Variants in GPRIN3 observed in about 807,000 individuals in gnomAD.
GPRIN3 encodes the protein G protein-regulated inducer of neurite outgrowth 3.
Under a neutral mutation model 13.7 loss-of-function variants are expected in GPRIN3, and 12 were observed. That is an observed-to-expected ratio of 0.87 (90% CI 0.56 to 1.42). The LOEUF is 1.42. Ranked by LOEUF, GPRIN3 falls within the 40% of genes most tolerant of loss-of-function variation. The pLI is 0.00. For missense variants in GPRIN3, 1,009 were observed against 958.7 expected (o/e 1.05, Z -0.69); for synonymous variants, 377 against 372.7 (o/e 1.01, Z -0.13).
rs545947950 is a variant in GPRIN3, at chr4:89,275,917, T to C, written c.-123-25684A>G. ...CTCACCTTAATGGGGGTCAGTTTTA[T>C]GTGGAGCTCCCAGTTCCATAATGAA... On this transcript the variant is annotated intron_variant, in intron 1 of 1. Transcript: ENST00000609438. Among the ~76,000 whole-genome samples, 3 of 152,342 alleles carry C rather than the reference T, an allele frequency of 2.0e-5. No individual in the cohort carries two copies. The East Asian group carries it at 5.8e-4, about 29-fold the overall frequency.
intron 1 of GPRIN3, among the ~76,000 whole-genome samples, chr4:89,286,076 C>CGTGT (rs1337618773): frequency 9.1e-6 from 1 of 109,322 alleles, no homozygotes; most frequent in Non-Finnish European, 1.9e-5. Context: ...TACATGTGTA[C>CGTGT]GTGTATGTGT....
chr4:89,284,300 A>C (rs1264006137), intron 1 of GPRIN3, among the ~76,000 whole-genome samples: 1 of 152,220 alleles, frequency 6.6e-6, no homozygotes, highest in Admixed American at 6.5e-5. Flanking sequence ...CCAGCCATTC[A>C]GAATTACTGT....
At chr4:89,275,300 A>G (rs1462580990) in intron 1 of GPRIN3, among the ~76,000 whole-genome samples, 1 of 152,176 alleles carries the variant, frequency 6.6e-6, no homozygotes, top group African/African-American at 2.4e-5. Flanking sequence ...TGATTTGGGT[A>G]ATAGAACAAA....
intron 1 of GPRIN3, among the ~76,000 whole-genome samples, chr4:89,287,878 G>A (rs1372860266): frequency 6.6e-6 from 1 of 152,208 alleles, no homozygotes; most frequent in Non-Finnish European, 1.5e-5. Flanking sequence ...ATAGGCTGAT[G>A]CCATGATAAT....
chr4:89,302,353 TC>T (rs1724922382), intron 1 of GPRIN3, among the ~76,000 whole-genome samples: 1 of 152,184 alleles, frequency 6.6e-6, no homozygotes, highest in Non-Finnish European at 1.5e-5. Flanking sequence ...GTTATTAACT[TC>T]CTTGGGACTC....
intron 1 of GPRIN3, among the ~76,000 whole-genome samples, chr4:89,268,868 G>A (rs1723852542): frequency 6.6e-6 from 1 of 152,144 alleles, no homozygotes; most frequent in Non-Finnish European, 1.5e-5. Context: ...TTTTCCCCCA[G>A]AAAGCCAGTT....
Position 89,237,560 on chromosome 4 carries a change from AC to A in GPRIN3, c.*10219del, listed in dbSNP as rs1722817664. On this transcript the variant is annotated 3_prime_UTR_variant, in exon 2 of 2. Transcript: ENST00000609438. ...CTGTGTGAGGACACAGCAAACAGGC[AC>A]CACACGTGAGCCGGCAAGTAGGCCC... 2 of 152,128 alleles carry A rather than the reference AC, an allele frequency of 1.3e-5. No individual in the cohort carries two copies. The highest frequency in any genetic ancestry group is 4.8e-5 in the African/African-American group (2 of 41,424). 9.4% of individuals were successfully genotyped at this position (152,128 alleles called of 1,614,324 possible). A position where few individuals can be genotyped will look rare whatever the true frequency, so the allele number is the denominator to read the frequency against.
At chr4:89,284,333 C>T (rs1035498281) in intron 1 of GPRIN3, among the ~76,000 whole-genome samples, 7 of 152,188 alleles carry the variant, frequency 4.6e-5, no homozygotes, top group African/African-American at 1.4e-4. Flanking sequence ...GGAAACATTT[C>T]ACTGTGTGAG....
intron 1 of GPRIN3, among the ~76,000 whole-genome samples, chr4:89,270,585 A>ATGTATATAATT (rs1319177444): frequency 1.2e-5 from 1 of 85,494 alleles, no homozygotes; most frequent in African/African-American, 6.8e-5. Flanking sequence ...ATATATATAT[A>ATGTATATAATT]TATATATATA....
intron 1 of GPRIN3, among the ~76,000 whole-genome samples, chr4:89,306,906 T>C (rs1028879321): frequency 6.6e-6 from 1 of 152,166 alleles, no homozygotes; most frequent in African/African-American, 2.4e-5. Context: ...GCGTCTGAAA[T>C]GATGCCTACA....
At chr4:89,290,197 G>C (rs1050633927) in intron 1 of GPRIN3, among the ~76,000 whole-genome samples, 29 of 151,798 alleles carry the variant, frequency 1.9e-4, no homozygotes, top group Non-Finnish European at 1.5e-5. Flanking sequence ...TCAAACTCCT[G>C]AGGCTCAACC....
chr4:89,299,248 G>C (rs1054297414), intron 1 of GPRIN3, among the ~76,000 whole-genome samples: 1 of 152,016 alleles, frequency 6.6e-6, no homozygotes, highest in Non-Finnish European at 1.5e-5. Context: ...TGTGTCCTCT[G>C]TTAGTTTCGA....
rs1723158484 is a variant in GPRIN3 at position 89,248,022 on chromosome 4, C to CT, written c.2088_2089insA (p.Gly697ArgfsTer25). 1 of 1,613,998 alleles carries CT rather than the reference C, an allele frequency of 6.2e-7. No individual in the cohort carries two copies. Among genetic ancestry groups the CT allele is most frequent in the Non-Finnish European group, 8.5e-7 (1 of 1,180,024 alleles). The stretch of plus-strand genomic sequence containing the variant: ...AGGGACTCTGCGTCCAAGGATGCAC[C>CT]ATACACTTCCCAGGTCATTCCCTGC... On this transcript the variant is annotated frameshift_variant, in exon 2 of 2. Transcript: ENST00000609438. LOFTEE classifies it high-confidence loss of function.
chr4:89,258,725 G>A (rs900015714), intron 1 of GPRIN3, among the ~76,000 whole-genome samples: 6 of 152,196 alleles, frequency 3.9e-5, no homozygotes, highest in Non-Finnish European at 8.8e-5. Context: ...GGGCGTGAGA[G>A]TCCTTCCTGT....
chr4:89,255,156 T>C (rs1456951793), intron 1 of GPRIN3, among the ~76,000 whole-genome samples: 8 of 152,070 alleles, frequency 5.3e-5, no homozygotes, highest in Admixed American at 4.6e-4. Context: ...TTTAAGAACA[T>C]GGACTCTGGG....
chr4:89,257,238 G>A (rs953114106), intron 1 of GPRIN3, among the ~76,000 whole-genome samples: 2 of 152,156 alleles, frequency 1.3e-5, no homozygotes, highest in Non-Finnish European at 1.5e-5. Flanking sequence ...GAAACAAGCT[G>A]CATCCCTTCT....
intron 1 of GPRIN3, among the ~76,000 whole-genome samples, chr4:89,293,595 A>G (rs1259123488): frequency 6.6e-6 from 1 of 152,230 alleles, no homozygotes; most frequent in East Asian, 1.9e-4. Flanking sequence ...TGTTCAAGTC[A>G]GGGTCATTGA....
chr4:89,279,052 A>T (rs1724171219), intron 1 of GPRIN3, among the ~76,000 whole-genome samples: 1 of 152,196 alleles, frequency 6.6e-6, no homozygotes, highest in Admixed American at 6.5e-5. Flanking sequence ...GGGCAGCTTG[A>T]CTGGCAGTTT....
chr4:89,249,090 T>A lies in GPRIN3; in HGVS notation c.1021A>T (p.Thr341Ser). 1.2e-6 allele frequency: 2 copies of A among 1,614,158 alleles called. No individual in the cohort carries two copies. Among genetic ancestry groups the A allele is most frequent in the South Asian group, 2.2e-5 (2 of 91,080 alleles). ...GCACGGCTTTCCTTCAGAAATGCAG[T>A]GAGGATACTGGGGCTGGTGGAGACG... ...RSVSTSPSIL[T>S]AFLKESRAPE... Residue 341 changes from threonine (T) to serine (S), a missense_variant, in exon 2 of 2, where the codon ACT (threonine) becomes TCT (serine). By Grantham distance (58) the Thr-to-Ser change is moderately conservative (BLOSUM62 1). Coordinates refer to ENST00000609438, the MANE Select transcript of GPRIN3 (RefSeq NM_198281.3).
Sources: gnomAD v4.1 joint callset for allele counts (sites outside exome capture counted in the v4.1 genomes callset) on GRCh38, gnomAD v4.1.1 for gene constraint, MANE v1.5 for transcripts, NCBI Gene and HGNC (gene_info 2026-07-23, HGNC 2026-07-21) for gene names.